Variants in KIRREL1 observed in about 807,000 individuals in gnomAD.
KIRREL1 encodes the protein kirre like nephrin family adhesion molecule 1, also known as kin of IRRE-like protein 1.
In KIRREL1, 25 loss-of-function variants were observed where a neutral mutation model predicts 83.3. The ratio of observed to expected loss-of-function variants is 0.30; its 90% confidence interval spans 0.22 to 0.42. The LOEUF is 0.42. KIRREL1 is among the 10% of genes least tolerant of loss of function. KIRREL1 has a pLI of 1.00. For synonymous variants in KIRREL1, 388 were observed against 410.4 expected (o/e 0.95, Z 0.66); for missense variants, 812 against 1,032.3 (o/e 0.79, Z 2.92).
At chr1:158,072,613 G>C (rs970315583) in intron 1 of KIRREL1, among the ~76,000 whole-genome samples, 5 of 152,044 alleles carry the variant, frequency 3.3e-5, no homozygotes, top group Non-Finnish European at 5.9e-5. Flanking sequence ...GTCCACCCCA[G>C]GGAAAGGCCT....
intron 3 of KIRREL1, among the ~76,000 whole-genome samples, chr1:158,081,132 A>G (rs1347365070): frequency 7.6e-6 from 1 of 131,500 alleles, no homozygotes; most frequent in Non-Finnish European, 1.7e-5. Context: ...CCGCAGATGC[A>G]GACATAACAT....
intron 3 of KIRREL1, 149 bp downstream of exon 3, chr1:158,078,289 G>A: frequency 3.2e-6 from 3 of 935,042 alleles, no homozygotes; most frequent in Middle Eastern, 4.5e-4. Context: ...AGTCCAGGTA[G>A]AAGAAAGTAA....
chr1:158,092,256 TTTG>T (rs1270020159), intron 11 of KIRREL1, among the ~76,000 whole-genome samples: 2 of 152,208 alleles, frequency 1.3e-5, no homozygotes, highest in Non-Finnish European at 2.9e-5. Flanking sequence ...ATAGCATTTT[TTTG>T]TTGTTGTTTT....
At chr1:157,994,202 C>T (rs1158158770) in intron 1 of KIRREL1, among the ~76,000 whole-genome samples, 1 of 152,128 alleles carries the variant, frequency 6.6e-6, no homozygotes. Flanking sequence ...AGGGGATCCC[C>T]CTACTCCAGC....
intron 1 of KIRREL1, among the ~76,000 whole-genome samples, chr1:158,068,489 A>G (rs1288066652): frequency 6.6e-6 from 1 of 152,214 alleles, no homozygotes; most frequent in Non-Finnish European, 1.5e-5. Context: ...CAGACCCCTC[A>G]TCCGCAGTAG....
At chr1:157,999,939 T>C (rs1659309764) in intron 1 of KIRREL1, among the ~76,000 whole-genome samples, 2 of 152,162 alleles carry the variant, frequency 1.3e-5, no homozygotes, top group South Asian at 4.1e-4. Context: ...ACATAATTGT[T>C]GAAGTTAGGT....
At chr1:158,005,857 C>T (rs1659504781) in intron 1 of KIRREL1, among the ~76,000 whole-genome samples, 1 of 152,066 alleles carries the variant, frequency 6.6e-6, no homozygotes, top group Admixed American at 6.6e-5. Flanking sequence ...CGCAGAACCC[C>T]AGGCTGTAGA....
chr1:158,048,696 C>T (rs952490446), intron 1 of KIRREL1, among the ~76,000 whole-genome samples: 4 of 152,152 alleles, frequency 2.6e-5, no homozygotes, highest in Admixed American at 6.5e-5. Context: ...TACAAGTCAG[C>T]GGTTCAAGGC....
intron 1 of KIRREL1, among the ~76,000 whole-genome samples, chr1:158,004,725 CT>C (rs1659466839): frequency 6.6e-6 from 1 of 152,278 alleles, no homozygotes; most frequent in South Asian, 2.1e-4. Flanking sequence ...GGGCGCATCA[CT>C]TTACATCAGG....
intron 7 of KIRREL1, 80 bp downstream of exon 7, chr1:158,088,234 A>G: frequency 6.2e-7 from 1 of 1,605,766 alleles, no homozygotes. Flanking sequence ...GGACTGCTCC[A>G]TGAATGGGGA....
chr1:158,069,780 T>C (rs1661460198), intron 1 of KIRREL1, among the ~76,000 whole-genome samples: 1 of 152,218 alleles, frequency 6.6e-6, no homozygotes, highest in African/African-American at 2.4e-5. Flanking sequence ...AGACGGAAGT[T>C]TCTTGATGTC....
intron 1 of KIRREL1, among the ~76,000 whole-genome samples, chr1:158,028,672 T>G (rs1468962812): frequency 6.6e-6 from 1 of 152,228 alleles, no homozygotes; most frequent in African/African-American, 2.4e-5. Flanking sequence ...TTCTATTTTT[T>G]TAACTTATGT....
At chr1:158,041,585 C>T (rs1410344962) in intron 1 of KIRREL1, among the ~76,000 whole-genome samples, 1 of 152,192 alleles carries the variant, frequency 6.6e-6, no homozygotes, top group South Asian at 2.1e-4. Flanking sequence ...CCCCTGCCCT[C>T]TGAGCCTCAC....
intron 1 of KIRREL1, among the ~76,000 whole-genome samples, chr1:158,029,054 C>A (rs999172843): frequency 6.6e-6 from 1 of 152,150 alleles, no homozygotes; most frequent in Non-Finnish European, 1.5e-5. Flanking sequence ...TAAAGAGATA[C>A]GTATGGTCCA....
At chr1:158,076,533 C>T (rs1212161531) in intron 2 of KIRREL1, among the ~76,000 whole-genome samples, 2 of 152,212 alleles carry the variant, frequency 1.3e-5, no homozygotes, top group Admixed American at 1.3e-4. Flanking sequence ...AAGAGAGTTT[C>T]AGGCAGACAC....
chr1:158,039,744 G>A (rs1474707205), intron 1 of KIRREL1, among the ~76,000 whole-genome samples: 1 of 152,154 alleles, frequency 6.6e-6, no homozygotes, highest in Non-Finnish European at 1.5e-5. Flanking sequence ...GTCTGGTCAT[G>A]TATTGATTGT....
Position 158,076,142 on chromosome 1 carries a change from G to C in KIRREL1, c.82G>C (p.Ala28Pro), listed in dbSNP as rs1456102611. 1 of 1,614,172 alleles carries C rather than the reference G, an allele frequency of 6.2e-7. No individual in the cohort carries two copies. The highest frequency in any genetic ancestry group is 1.3e-5 in the African/African-American group (1 of 75,064). Residue 28 changes from alanine (A) to proline (P), a missense_variant, in exon 2 of 15, where the codon GCT becomes CCT. Physicochemically the swap from Ala to Pro is conservative, Grantham distance 27. Around this residue, in one of 3 missense-constraint regions of KIRREL1, gnomAD observed 472 missense variants for 626.8 expected, o/e 0.75. Coordinates refer to ENST00000359209, the MANE Select transcript of KIRREL1 (RefSeq NM_018240.7). The stretch of plus-strand genomic sequence containing the variant: ...CCAGACCCGCTTCAGCCAGGAGCCA[G>C]CTGACCAGACGGTGGTGGCTGGACA... ...GTQTRFSQEP[A>P]DQTVVAGQRA...
intron 1 of KIRREL1, among the ~76,000 whole-genome samples, chr1:158,073,105 T>G (rs1661565643): frequency 6.6e-6 from 1 of 152,176 alleles, no homozygotes; most frequent in East Asian, 1.9e-4. Context: ...TGGGATTCTA[T>G]GTTGGCTGCA....
intron 1 of KIRREL1, among the ~76,000 whole-genome samples, chr1:158,030,564 G>A (rs1660295201): frequency 6.6e-6 from 1 of 152,212 alleles, no homozygotes; most frequent in Non-Finnish European, 1.5e-5. Context: ...GTGACCTTGA[G>A]TGAGTCCTTC....
Sources: gnomAD v4.1 joint callset for allele counts (sites outside exome capture counted in the v4.1 genomes callset) on GRCh38, gnomAD v4.1.1 for gene constraint, gnomAD v4.1.1 regional missense constraint, MANE v1.5 for transcripts, NCBI Gene and HGNC (gene_info 2026-07-23, HGNC 2026-07-21) for gene names.